FSTL4: variants seen among roughly 807,000 people sequenced by gnomAD.
The protein encoded by FSTL4 is follistatin like 4.
FSTL4 carries 28 observed loss-of-function variants against 78.2 expected under a neutral mutation model. That is an observed-to-expected ratio of 0.36 (90% confidence interval 0.27 to 0.49). FSTL4 has a LOEUF of 0.49. Among genes scored for constraint, FSTL4 ranks in the 20% least tolerant of loss-of-function variants. FSTL4 has a pLI of 0.98. For missense variants in FSTL4, 922 were observed against 1,084.9 expected (o/e 0.85, Z 2.11); for synonymous variants, 422 against 440.5 (o/e 0.96, Z 0.53).
the FSTL4 span, among the ~76,000 whole-genome samples, chr5:133,681,832 T>A: frequency 6.6e-6 from 1 of 152,086 alleles, no homozygotes; most frequent in Admixed American, 6.5e-5. Flanking sequence ...GGGTCCCTCT[T>A]GTATAGAAGA....
chr5:133,805,522 T>C, the FSTL4 span, among the ~76,000 whole-genome samples: 64 of 152,346 alleles, frequency 4.2e-4, no homozygotes, highest in East Asian at 7.7e-3. Context: ...TGGGGTTGTT[T>C]CCTAAGATTC....
intron 14 of FSTL4, among the ~76,000 whole-genome samples, chr5:133,203,176 G>C (rs1293650145): frequency 6.6e-6 from 1 of 152,252 alleles, no homozygotes; most frequent in African/African-American, 2.4e-5. Context: ...CAGACCCTCT[G>C]TGCAGGAGAG....
the FSTL4 span, among the ~76,000 whole-genome samples, chr5:133,673,033 A>T: frequency 6.6e-6 from 1 of 152,160 alleles, no homozygotes; most frequent in South Asian, 2.1e-4. Flanking sequence ...GGAAGGCTGG[A>T]GGTGGGGAGG....
At chr5:133,743,553 C>T in the FSTL4 span, among the ~76,000 whole-genome samples, 1,942 of 152,262 alleles carry the variant, frequency 0.013, 38 homozygotes, top group African/African-American at 0.044. Context: ...ATAACAATTT[C>T]AGGGATTTGT....
intron 3 of FSTL4, among the ~76,000 whole-genome samples, chr5:133,530,425 C>T (rs894296859): frequency 2.6e-5 from 4 of 152,200 alleles, no homozygotes; most frequent in Non-Finnish European, 4.4e-5. Context: ...CACAATGGAG[C>T]AGTTCTCAGG....
intron 3 of FSTL4, among the ~76,000 whole-genome samples, chr5:133,487,507 G>A (rs1758161223): frequency 6.6e-6 from 1 of 152,156 alleles, no homozygotes; most frequent in Non-Finnish European, 1.5e-5. Context: ...TGTGACCTCA[G>A]GTGAGCTCCT....
At chr5:133,458,936 C>T (rs542860320) in intron 3 of FSTL4, among the ~76,000 whole-genome samples, 33 of 152,254 alleles carry the variant, frequency 2.2e-4, no homozygotes, top group Admixed American at 3.3e-4. Context: ...TAGACGGGGA[C>T]GGAGGAGAGG....
chr5:133,559,152 T>A (rs1181092685), intron 3 of FSTL4, among the ~76,000 whole-genome samples: 1 of 152,184 alleles, frequency 6.6e-6, no homozygotes, highest in Non-Finnish European at 1.5e-5. Flanking sequence ...AAAGAAAGAT[T>A]GCCAAGCAGC....
chr5:133,822,135 C>T, the FSTL4 span, among the ~76,000 whole-genome samples: 19 of 152,302 alleles, frequency 1.2e-4, no homozygotes, highest in South Asian at 4.1e-4. Flanking sequence ...GAACACTCCT[C>T]GCCCCCTGGA....
chr5:133,481,012 C>T (rs769477435), intron 3 of FSTL4, among the ~76,000 whole-genome samples: 2 of 151,732 alleles, frequency 1.3e-5, no homozygotes, highest in African/African-American at 2.4e-5. Flanking sequence ...CCGAGTAACC[C>T]GCTGGGTTCC....
At chr5:133,206,845 T>C (rs189272624) in intron 14 of FSTL4, among the ~76,000 whole-genome samples, 25 of 152,306 alleles carry the variant, frequency 1.6e-4, no homozygotes, top group African/African-American at 6.0e-4. Flanking sequence ...TTCAATTTCT[T>C]AAATACTTCC....
intron 4 of FSTL4, among the ~76,000 whole-genome samples, chr5:133,352,329 CACATATATATAT>C (rs1196011524): frequency 1.1e-5 from 1 of 87,504 alleles, no homozygotes; most frequent in African/African-American, 6.8e-5. Context: ...TATATATACA[CACATATATATAT>C]ACACATATAT....
rs1348529152 is a variant in FSTL4 at position 133,400,990 on chromosome 5, C to G, written c.161-4G>C. The stretch of plus-strand genomic sequence containing the variant: ...AGCTCGTTGTGGCTGGAAAGCCCTG[C>G]CAGACACACAAACACAGAGGGTCAG... On this transcript the variant is annotated splice_region_variant and splice_polypyrimidine_tract_variant and intron_variant, in intron 3 of 15. Coordinates refer to ENST00000265342, the MANE Select transcript of FSTL4 (RefSeq NM_015082.2). 6.2e-7 allele frequency: 1 copy of G among 1,612,664 alleles called. No homozygotes were observed. Among genetic ancestry groups the G allele is most frequent in the Non-Finnish European group, 8.5e-7 (1 of 1,179,970 alleles).
intron 2 of FSTL4, among the ~76,000 whole-genome samples, chr5:133,580,647 T>C (rs955631969): frequency 1.3e-5 from 2 of 152,224 alleles, no homozygotes; most frequent in African/African-American, 4.8e-5. Flanking sequence ...TCCTGGGGGC[T>C]GGCACTGGAG....
intron 8 of FSTL4, 88 bp downstream of exon 8, chr5:133,233,329 G>C: frequency 7.1e-7 from 1 of 1,406,708 alleles, no homozygotes; most frequent in Non-Finnish European, 9.9e-7. Context: ...TCTTTAAGAA[G>C]ACAGAATACA....
At chr5:133,706,984 A>C in the FSTL4 span, among the ~76,000 whole-genome samples, 1 of 152,130 alleles carries the variant, frequency 6.6e-6, no homozygotes, top group East Asian at 1.9e-4. Flanking sequence ...ACTCTCTCAC[A>C]CTGCATCATC....
the FSTL4 span, among the ~76,000 whole-genome samples, chr5:133,732,369 A>G: frequency 6.6e-6 from 1 of 152,072 alleles, no homozygotes; most frequent in Non-Finnish European, 1.5e-5. Context: ...CAGAAGAGAC[A>G]CTGGGCAGAA....
At chr5:133,823,566 T>C in the FSTL4 span, among the ~76,000 whole-genome samples, 2 of 152,186 alleles carry the variant, frequency 1.3e-5, no homozygotes, top group South Asian at 2.1e-4. Flanking sequence ...GGTCTGAGAA[T>C]AGCTCCCAGA....
the FSTL4 span, among the ~76,000 whole-genome samples, chr5:133,692,398 T>A: frequency 3.9e-5 from 6 of 152,176 alleles, no homozygotes. Flanking sequence ...TGTGATGTGA[T>A]CAGATCTCTC....
Sources: gnomAD v4.1 joint callset for allele counts (sites outside exome capture counted in the v4.1 genomes callset) on GRCh38, gnomAD v4.1.1 for gene constraint, MANE v1.5 for transcripts, NCBI Gene and HGNC (gene_info 2026-07-23, HGNC 2026-07-21) for gene names.